The following BTBD3 variants were observed in gnomAD, a reference collection of about 807,000 sequenced individuals.
BTBD3 encodes BTB/POZ domain-containing protein 3.
Under a neutral mutation model 41.6 loss-of-function variants are expected in BTBD3, and 14 were observed. The observed-to-expected ratio is 0.34, with a 90% confidence interval of 0.22 to 0.53. The LOEUF (loss-of-function observed/expected upper bound fraction) is 0.53, where lower values mean the gene tolerates loss of function less well. Among genes scored for constraint, BTBD3 ranks in the 20% least tolerant of loss-of-function variants. The pLI is 0.95. For synonymous variants in BTBD3, 249 were observed against 233.7 expected, an observed-to-expected ratio of 1.07 and a Z score of -0.60; for missense variants, 426 against 654.7, an observed-to-expected ratio of 0.65 and a Z score of 3.81.
At chr20:11,920,078 T>C (rs1186140132) in intron 3 of BTBD3, among the ~76,000 whole-genome samples, 2 of 152,236 alleles carry the variant, frequency 1.3e-5, no homozygotes, top group Non-Finnish European at 2.9e-5. Flanking sequence ...GCATGTATAG[T>C]GATGATTTTT....
chr20:11,893,867 G>A (rs2056770988), intron 1 of BTBD3, among the ~76,000 whole-genome samples: 1 of 152,106 alleles, frequency 6.6e-6, no homozygotes, highest in African/African-American at 2.4e-5. Flanking sequence ...AATTTTATCT[G>A]TAGTTTTAAA....
chr20:11,891,060 C>A, intron 1 of BTBD3: 1 of 814,074 alleles, frequency 1.2e-6, no homozygotes, highest in Non-Finnish European at 1.5e-6. Context: ...AGGGGCCGAG[C>A]GAAGCGAGGA....
chr20:11,902,181 G>A (rs1226202771), intron 1 of BTBD3, among the ~76,000 whole-genome samples: 2 of 152,142 alleles, frequency 1.3e-5, no homozygotes, highest in African/African-American at 4.8e-5. Context: ...TTTGTGTGTC[G>A]TATATATTAT....
chr20:11,920,918 C>T (rs2056965331), intron 3 of BTBD3, among the ~76,000 whole-genome samples: 1 of 147,496 alleles, frequency 6.8e-6, no homozygotes, highest in African/African-American at 2.5e-5. Flanking sequence ...ATTCATCTTA[C>T]AGTTTTGAAA....
At chr20:11,899,787 G>T (rs1004103593) in intron 1 of BTBD3, among the ~76,000 whole-genome samples, 1 of 152,036 alleles carries the variant, frequency 6.6e-6, no homozygotes, top group East Asian at 1.9e-4. Context: ...AACATTTGTA[G>T]ATTTTTACTG....
exon 1 of BTBD3, chr20:11,890,951 G>A: frequency 3.0e-6 from 3 of 984,020 alleles, no homozygotes; most frequent in Non-Finnish European, 3.6e-6. Flanking sequence ...GAGGAGCGCT[G>A]GCGGTGAGTG....
rs1224465296 is a variant in BTBD3 at position 11,923,922 on chromosome 20, G to A, written c.*256G>A. 2.6e-6 allele frequency: 1 copy of A among 391,038 alleles called. No individual in the cohort carries two copies. Among genetic ancestry groups the A allele is most frequent in the Non-Finnish European group, 4.5e-6 (1 of 219,834 alleles). The allele number at this position is 391,038 out of a possible 1,614,324, so 24.2% of individuals were successfully genotyped here. On this transcript the variant is annotated 3_prime_UTR_variant, in exon 4 of 4. Transcript: ENST00000378226. The surrounding 1 kb of genome is among the most constrained non-coding windows in gnomAD (Gnocchi z 5.3). ...TTTTAGAGTTGCATCTATGAACCTGGGGAGATTATGTGCTTTCCCAAGCGT... is the reference window on the plus strand; with the variant it reads ...TTTTAGAGTTGCATCTATGAACCTGAGGAGATTATGTGCTTTCCCAAGCGT...
At chr20:11,916,376 G>A (rs2056917906), upstream of BTBD3, among the ~76,000 whole-genome samples, 1 of 152,134 alleles carries the variant, frequency 6.6e-6, no homozygotes, top group African/African-American at 2.4e-5. Context: ...CTCTAACATT[G>A]TGTGTTAAAG....
intron 1 of BTBD3, among the ~76,000 whole-genome samples, chr20:11,907,943 T>C (rs186562423): frequency 3.9e-5 from 6 of 152,322 alleles, no homozygotes; most frequent in Admixed American, 3.3e-4. Flanking sequence ...GATGCTTGTT[T>C]GCACTTCTCT....
In BTBD3 at chr20:11,923,421, T is replaced by A; in HGVS notation, c.1324T>A (p.Tyr442Asn). Residue 442 changes from tyrosine (Y) to asparagine (N), a missense_variant, in exon 4 of 4, where the codon TAC becomes AAC. Physicochemically the swap from Tyr to Asn is moderately radical, Grantham distance 143. This residue lies in a region of BTBD3 where 321 missense variants were observed against 534.8 expected (regional missense o/e 0.60). Transcript: ENST00000378226. The surrounding 1 kb of genome is among the most constrained non-coding windows in gnomAD (Gnocchi z 5.3). ...GVVLGQNLSK[Y>N]FSDGSSNTFP... is the part of the protein sequence containing the mutation. Reference sequence around the variant, plus strand: ...TGTCCTGGGGCAGAACTTGAGCAAGTACTTCTCAGATGGGTCCAGCAATAC... The same window carrying A: ...TGTCCTGGGGCAGAACTTGAGCAAGAACTTCTCAGATGGGTCCAGCAATAC... 1 of 1,614,228 alleles carries A rather than the reference T, an allele frequency of 6.2e-7. No individual in the cohort carries two copies. Among genetic ancestry groups the A allele is most frequent in the Non-Finnish European group, 8.5e-7 (1 of 1,180,034 alleles).
chr20:11,925,355 T>A lies in BTBD3; in HGVS notation c.*1689T>A, dbSNP rs1361511076. 6.5e-6 allele frequency: 1 copy of A among 152,678 alleles called. No individual in the cohort carries two copies. Among genetic ancestry groups the A allele is most frequent in the Non-Finnish European group, 1.5e-5 (1 of 68,058 alleles). The allele number at this position is 152,678 out of a possible 1,614,324, so 9.5% of individuals were successfully genotyped here. A position where few individuals can be genotyped will look rare whatever the true frequency, so the allele number is the denominator to read the frequency against. On this transcript the variant is annotated 3_prime_UTR_variant, in exon 4 of 4. Transcript: ENST00000378226. ...ACTGCCCTGACGTATTCACTGTGCC[T>A]CTGGGCCACTTCTTCCCCTGTAGAT...
At chr20:11,909,646 C>T (rs1020798900) in intron 1 of BTBD3, 1 of 152,080 alleles carries the variant, frequency 6.6e-6, no homozygotes, top group African/African-American at 2.4e-5. Context: ...ATTCTGGTCG[C>T]ATACATTGTA....
At chr20:11,892,137 G>T (rs1600223027) in intron 1 of BTBD3, among the ~76,000 whole-genome samples, 1 of 152,300 alleles carries the variant, frequency 6.6e-6, no homozygotes, top group African/African-American at 2.4e-5. Context: ...AGAGCGGTTT[G>T]TTTCCCACCA....
At chr20:11,916,181 A>G (rs2056916764), upstream of BTBD3, among the ~76,000 whole-genome samples, 1 of 152,208 alleles carries the variant, frequency 6.6e-6, no homozygotes, top group Non-Finnish European at 1.5e-5. Context: ...GATTAATCCC[A>G]GTCAGAAAGG....
chr20:11,917,120 C>G (rs186647648), upstream of BTBD3, among the ~76,000 whole-genome samples: 84 of 152,284 alleles, frequency 5.5e-4, no homozygotes, highest in African/African-American at 1.7e-3. Flanking sequence ...GTAGCCTTAA[C>G]AGTTAAGTTG....
chr20:11,896,329 G>C (rs970578752), intron 1 of BTBD3, among the ~76,000 whole-genome samples: 1 of 152,112 alleles, frequency 6.6e-6, no homozygotes, highest in Non-Finnish European at 1.5e-5. Context: ...GTTGATTTTG[G>C]TGTATTTATT....
intron 2 of BTBD3, 182 bp downstream of exon 2, chr20:11,919,358 T>A: frequency 1.4e-6 from 2 of 1,417,164 alleles, no homozygotes; most frequent in Non-Finnish European, 1.8e-6. Context: ...TTTGTTTCCT[T>A]CTATACTGCT....
At chr20:11,920,603 C>T (rs1295198038) in intron 3 of BTBD3, among the ~76,000 whole-genome samples, 3 of 152,112 alleles carry the variant, frequency 2.0e-5, no homozygotes, top group Non-Finnish European at 4.4e-5. Flanking sequence ...TTATCATGTA[C>T]GGTACTAGAC....
At position 11,919,150 on chromosome 20, in the gene BTBD3, G is replaced by A. The variant is rs767107789; in HGVS notation, c.391G>A (p.Gly131Arg). The A allele has an allele frequency of 6.2e-7, 1 of 1,613,722 alleles. No individual in the cohort carries two copies. The highest frequency in any genetic ancestry group is 8.5e-7 in the Non-Finnish European group (1 of 1,179,778). Residue 131 changes from glycine (G) to arginine (R), a missense_variant, in exon 2 of 4, where the codon GGG becomes AGG. Coordinates refer to ENST00000378226, the MANE Select transcript of BTBD3 (RefSeq NM_014962.4). ...DVHFVVGPPG[G>R]TQRLPGHKYV... is the part of the protein sequence containing the mutation. ...ACATTTTGTGGTTGGGCCACCAGGTGGGACTCAACGGTTGCCAGGACACAA... is the reference window on the plus strand; with the variant it reads ...ACATTTTGTGGTTGGGCCACCAGGTAGGACTCAACGGTTGCCAGGACACAA...
Sources: allele counts gnomAD v4.1 joint callset (sites outside exome capture counted in the v4.1 genomes callset), GRCh38; gene constraint gnomAD v4.1.1; regional missense constraint gnomAD v4.1.1; non-coding constraint Gnocchi (gnomAD v3.1); transcripts MANE v1.5; gene names NCBI Gene and HGNC (gene_info 2026-07-23, HGNC 2026-07-21).